Variants in GRM5 observed in about 807,000 individuals in gnomAD.
GRM5 encodes metabotropic glutamate receptor 5.
GRM5 carries 19 observed loss-of-function variants against 83.1 expected under a neutral mutation model. The observed-to-expected ratio is 0.23, with a 90% CI of 0.16 to 0.34. The LOEUF (loss-of-function observed/expected upper bound fraction) is 0.34, where lower values mean the gene tolerates loss of function less well. Among genes scored for constraint, GRM5 ranks in the 10% least tolerant of loss-of-function variants. GRM5 has a pLI of 1.00. For missense variants in GRM5, 1,160 were observed against 1,588.3 expected (o/e 0.73, Z 4.58); for synonymous variants, 675 against 633.6 (o/e 1.07, Z -0.98).
Position 88,508,987 on chromosome 11 carries a change from T to A in GRM5, c.3244A>T (p.Thr1082Ser). 1 of 1,581,276 alleles carries A rather than the reference T, an allele frequency of 6.3e-7. No homozygotes were observed. The highest frequency in any genetic ancestry group is 2.3e-5 in the East Asian group (1 of 43,586). ...CCGACGCCGGGGCTGGGGGCCGCGGTGGACAGCATCATGGAGTTGAGCTCG... is the reference window on the plus strand; with the variant it reads ...CCGACGCCGGGGCTGGGGGCCGCGGAGGACAGCATCATGGAGTTGAGCTCG... ...ISELNSMMLS[T>S]AAPSPGVGAP... The change falls in exon 10 of 10, where the codon ACC (threonine) becomes TCC (serine). Residue 1082 changes from threonine to serine, a missense_variant. Transcript: ENST00000305447. This position sits in a 1 kb window ranked among gnomAD's most constrained non-coding sequence, Gnocchi z 4.2.
At chr11:88,762,635 G>A (rs775848368) in intron 3 of GRM5, among the ~76,000 whole-genome samples, 18 of 151,912 alleles carry the variant, frequency 1.2e-4, no homozygotes, top group Non-Finnish European at 2.2e-4. Flanking sequence ...TCCTCAAAGA[G>A]CTGAAAGCAG....
intron 2 of GRM5, among the ~76,000 whole-genome samples, chr11:89,022,332 A>C (rs1373720061): frequency 6.6e-6 from 1 of 152,110 alleles, no homozygotes; most frequent in Non-Finnish European, 1.5e-5. Context: ...ACAAGGTAGA[A>C]GTTATGCAAG....
At chr11:88,728,393 C>CA (rs1177242044) in intron 3 of GRM5, among the ~76,000 whole-genome samples, 26 of 150,272 alleles carry the variant, frequency 1.7e-4, no homozygotes, top group Admixed American at 4.0e-4. Flanking sequence ...ATAGCCTAAC[C>CA]AAAAAAAAAG....
intron 2 of GRM5, among the ~76,000 whole-genome samples, chr11:88,941,902 T>C (rs868367424): frequency 6.6e-6 from 1 of 152,152 alleles, no homozygotes; most frequent in African/African-American, 2.4e-5. Flanking sequence ...TACTATAAGA[T>C]ATTCTGCAGG....
intron 3 of GRM5, among the ~76,000 whole-genome samples, chr11:88,724,961 A>C (rs981347116): frequency 6.6e-6 from 1 of 152,156 alleles, no homozygotes; most frequent in Non-Finnish European, 1.5e-5. Context: ...GGTTTCAAGC[A>C]CAAAACTGGG....
intron 4 of GRM5, among the ~76,000 whole-genome samples, chr11:88,640,841 A>G (rs1308328322): frequency 6.6e-6 from 1 of 152,170 alleles, no homozygotes; most frequent in Non-Finnish European, 1.5e-5. Flanking sequence ...AGGAACCTCC[A>G]TTAGTTCAGC....
At chr11:88,541,227 G>A (rs1186754279) in intron 8 of GRM5, among the ~76,000 whole-genome samples, 1 of 152,118 alleles carries the variant, frequency 6.6e-6, no homozygotes, top group Non-Finnish European at 1.5e-5. Context: ...AAAGGAAAGT[G>A]AGATTACTTT....
chr11:88,636,711 G>A (rs887597803), intron 4 of GRM5, among the ~76,000 whole-genome samples: 1 of 152,106 alleles, frequency 6.6e-6, no homozygotes. Flanking sequence ...ATTTTTAAAT[G>A]TGTTATTAGT....
Position 88,732,057 on chromosome 11 carries a change from A to G in GRM5, c.912-78654T>C, listed in dbSNP as rs1025442830. 4.6e-5 allele frequency among the ~76,000 whole-genome samples: 7 copies of G among 151,904 alleles called. No homozygotes were observed. In the South Asian group the frequency reaches 8.3e-4, roughly 18 times the overall value. On this transcript the variant is annotated intron_variant, in intron 3 of 9. Coordinates refer to ENST00000305447, the MANE Select transcript of GRM5 (RefSeq NM_001143831.3). Reference sequence around the variant, plus strand: ...AATTGAGGTAATAATTATTCATCCAATCCCTCTTTGAAACATCCCTGCCTA... The same window carrying G: ...AATTGAGGTAATAATTATTCATCCAGTCCCTCTTTGAAACATCCCTGCCTA...
chr11:88,862,937 A>G (rs1944591364), intron 2 of GRM5, among the ~76,000 whole-genome samples: 1 of 152,212 alleles, frequency 6.6e-6, no homozygotes, highest in South Asian at 2.1e-4. Flanking sequence ...CAACCCTATT[A>G]AAAAGTGGGC....
chr11:88,983,690 C>A (rs1368239048), intron 2 of GRM5, among the ~76,000 whole-genome samples: 2 of 152,148 alleles, frequency 1.3e-5, no homozygotes, highest in East Asian at 3.9e-4. Context: ...TACTTTTTAT[C>A]ATTATTTTAG....
At chr11:88,608,967 T>C (rs991126396) in intron 4 of GRM5, among the ~76,000 whole-genome samples, 10 of 152,216 alleles carry the variant, frequency 6.6e-5, no homozygotes, top group African/African-American at 1.7e-4. Flanking sequence ...TCCCTAATCC[T>C]ACACTAATAC....
intron 4 of GRM5, among the ~76,000 whole-genome samples, chr11:88,612,030 A>T (rs952952832): frequency 5.3e-5 from 8 of 151,300 alleles, no homozygotes; most frequent in East Asian, 1.9e-4. Flanking sequence ...GGTTAGTTAC[A>T]TATGTATACA....
chr11:88,640,106 T>C (rs1466889600), intron 4 of GRM5, among the ~76,000 whole-genome samples: 1 of 152,176 alleles, frequency 6.6e-6, no homozygotes, highest in Non-Finnish European at 1.5e-5. Flanking sequence ...GGACAAACTT[T>C]CATTCCTTTG....
At chr11:88,623,124 C>T (rs972477940) in intron 4 of GRM5, among the ~76,000 whole-genome samples, 11 of 151,896 alleles carry the variant, frequency 7.2e-5, no homozygotes, top group African/African-American at 2.2e-4. Flanking sequence ...TCACTCTTGT[C>T]GCCCAGTATG....
intron 1 of GRM5, among the ~76,000 whole-genome samples, chr11:89,051,705 G>A (rs908938484): frequency 2.6e-5 from 4 of 152,194 alleles, no homozygotes; most frequent in Admixed American, 6.5e-5. Flanking sequence ...GTGATACTCC[G>A]TCTCAAGAAA....
chr11:88,597,069 A>T, intron 6 of GRM5, 115 bp downstream of exon 6: 1 of 605,190 alleles, frequency 1.7e-6, no homozygotes, highest in Non-Finnish European at 2.8e-6. Context: ...TTCTGACATT[A>T]GAAGCTTACA....
At chr11:88,837,662 T>C (rs1944115878) in intron 3 of GRM5, among the ~76,000 whole-genome samples, 1 of 152,204 alleles carries the variant, frequency 6.6e-6, no homozygotes, top group South Asian at 2.1e-4. Flanking sequence ...GACATAGGAA[T>C]ACTTCTTCAT....
Position 88,681,565 on chromosome 11 carries a change from CTTTTTTTT to C in GRM5, c.912-28170_912-28163del, listed in dbSNP as rs796854617. 3.9e-4 allele frequency among the ~76,000 whole-genome samples: 10 copies of C among 25,414 alleles called. No homozygotes were observed. The East Asian group carries it at 0.011, about 28-fold the overall frequency. The allele number at this position is 25,414 out of a possible 152,430, so 16.7% of individuals were successfully genotyped here. ...ATAAACTCAAGAGGTTGAGTTCTTC[CTTTTTTTT>C]TTTTTTTTTTTTTTTTGAGATGGAG... On this transcript the variant is annotated intron_variant, in intron 3 of 9. Coordinates refer to ENST00000305447, the MANE Select transcript of GRM5 (RefSeq NM_001143831.3).
Sources: gnomAD v4.1 joint callset for allele counts (sites outside exome capture counted in the v4.1 genomes callset) on GRCh38, gnomAD v4.1.1 for gene constraint, Gnocchi (gnomAD v3.1) non-coding constraint, MANE v1.5 for transcripts, NCBI Gene and HGNC (gene_info 2026-07-23, HGNC 2026-07-21) for gene names.